The following SNX31 variants were observed in gnomAD, a reference collection of about 807,000 sequenced individuals.
The protein encoded by SNX31 is sorting nexin 31.
A neutral mutation model predicts 65.4 loss-of-function variants in SNX31; 58 were observed. The observed-to-expected ratio is 0.89, with a 90% CI of 0.72 to 1.10. SNX31 has a LOEUF of 1.10. Ranked by LOEUF, SNX31 falls within the 50% of genes least tolerant of loss-of-function variation. The pLI is 0.00. For missense variants in SNX31, 523 were observed against 529.7 expected, an observed-to-expected ratio of 0.99 and a Z score of 0.12; for synonymous variants, 181 against 190.1, an observed-to-expected ratio of 0.95 and a Z score of 0.39.
chr8:100,625,956 G>A lies in SNX31; in HGVS notation c.321+4371C>T, dbSNP rs1016451342. 5.3e-5 allele frequency among the ~76,000 whole-genome samples: 8 copies of A among 152,174 alleles called. No individual in the cohort carries two copies. The highest frequency in any genetic ancestry group is 2.0e-4 in the Admixed American group (3 of 15,274). ...AAAACCTATATCTTGGCCAGGCATG[G>A]TAGCTCACACCTATAATCCCAGCAG... On this transcript the variant is annotated intron_variant, in intron 4 of 13. Coordinates refer to ENST00000311812, the MANE Select transcript of SNX31 (RefSeq NM_152628.4). This position sits in a 1 kb window ranked among gnomAD's most constrained non-coding sequence, Gnocchi z 4.2.
chr8:100,628,231 C>T (rs990429795), intron 4 of SNX31, among the ~76,000 whole-genome samples: 5 of 152,132 alleles, frequency 3.3e-5, no homozygotes, highest in African/African-American at 1.2e-4. Context: ...CCAGCCATCC[C>T]ATTACTGGGT....
Position 100,656,084 on chromosome 8 carries a change from C to T in SNX31, c.-58+7058G>A, listed in dbSNP as rs568481653. Among the ~76,000 whole-genome samples, 4 of 152,298 alleles carry T rather than the reference C, an allele frequency of 2.6e-5. No homozygotes were observed. In the South Asian group the frequency reaches 6.2e-4, roughly 24 times the overall value. ...TGTATGGAGGGCTCTGAGATATCTG[C>T]AGCAAGGAAACCTGGGACTCTGTTT... On this transcript the variant is annotated intron_variant, in intron 1 of 5. Coordinates refer to the SNX31 transcript ENST00000520352.
At position 100,630,563 on chromosome 8, in the gene SNX31, AT is replaced by A; in HGVS notation, c.257-173del. Among the ~76,000 whole-genome samples the A allele has an allele frequency of 6.6e-6, 1 of 152,310 alleles. No homozygotes were observed. Among genetic ancestry groups the A allele is most frequent in the South Asian group, 2.1e-4 (1 of 4,826 alleles). On this transcript the variant is annotated intron_variant, in intron 3 of 13. Transcript: ENST00000311812. This position sits in a 1 kb window ranked among gnomAD's most constrained non-coding sequence, Gnocchi z 5.3. ...GGAAAACCCCCAAAGCTTGCCTCCT[AT>A]AGGCAGCCTTAACAACAGGAACCCA...
At chr8:100,662,542 CA>C (rs1809805139) in intron 1 of SNX31, among the ~76,000 whole-genome samples, 1 of 152,112 alleles carries the variant, frequency 6.6e-6, no homozygotes, top group Non-Finnish European at 1.5e-5. Flanking sequence ...TACTAAAATA[CA>C]AAAATTAGCC....
intron 1 of SNX31, 41 bp downstream of exon 1, chr8:100,649,408 G>T: frequency 3.1e-6 from 5 of 1,597,338 alleles, no homozygotes; most frequent in Non-Finnish European, 4.3e-6. Context: ...CATTGCCACC[G>T]GCCCCCTCCC....
intron 12 of SNX31, among the ~76,000 whole-genome samples, chr8:100,577,747 G>A (rs1018150514): frequency 2.0e-5 from 3 of 152,336 alleles, no homozygotes; most frequent in Admixed American, 2.0e-4. Context: ...TGGAACCAGA[G>A]AGTAGCTGTA....
chr8:100,650,800 G>C (rs1349738925), upstream of SNX31, among the ~76,000 whole-genome samples: 1 of 152,018 alleles, frequency 6.6e-6, no homozygotes, highest in African/African-American at 2.4e-5. Context: ...CCAGCTTAGT[G>C]GCTTCTAGTT....
At chr8:100,600,470 C>T in intron 8 of SNX31, 29 bp from the exon 9 acceptor site, 1 of 1,567,238 alleles carries the variant, frequency 6.4e-7, no homozygotes, top group South Asian at 1.2e-5. Context: ...GTAAAATTAG[C>T]AGTCTTAGCA....
chr8:100,582,743 C>T (rs141560932), intron 12 of SNX31, among the ~76,000 whole-genome samples: 3,477 of 151,818 alleles, frequency 0.023, 143 homozygotes, highest in African/African-American at 0.078. Context: ...TTTAGGAGGC[C>T]GAGGCGGGCG....
intron 12 of SNX31, among the ~76,000 whole-genome samples, chr8:100,582,030 A>C (rs908724687): frequency 6.6e-6 from 1 of 152,188 alleles, no homozygotes; most frequent in African/African-American, 2.4e-5. Context: ...GAGCCAAAAT[A>C]AGTAAAAAAA....
At chr8:100,586,007 G>A (rs1020989771) in intron 11 of SNX31, among the ~76,000 whole-genome samples, 13 of 151,964 alleles carry the variant, frequency 8.6e-5, no homozygotes, top group East Asian at 7.7e-4. Context: ...TACAACCTTC[G>A]CCTCCCAGAT....
chr8:100,616,022 C>T (rs561475302), intron 5 of SNX31, among the ~76,000 whole-genome samples: 1 of 152,306 alleles, frequency 6.6e-6, no homozygotes, highest in South Asian at 2.1e-4. Flanking sequence ...GATCCGCCCA[C>T]CTTGGCCTCC....
intron 11 of SNX31, among the ~76,000 whole-genome samples, chr8:100,586,649 A>G (rs1814077651): frequency 6.6e-6 from 1 of 152,230 alleles, no homozygotes. Flanking sequence ...AAGATGTTTC[A>G]TACTTAAGGT....
At chr8:100,592,223 A>T (rs369159388) in intron 10 of SNX31, among the ~76,000 whole-genome samples, 1 of 152,318 alleles carries the variant, frequency 6.6e-6, no homozygotes, top group East Asian at 1.9e-4. Flanking sequence ...AAGGAGAGAA[A>T]TGGAAAATAT....
intron 8 of SNX31, among the ~76,000 whole-genome samples, chr8:100,600,797 A>C (rs924083838): frequency 2.6e-5 from 4 of 152,210 alleles, no homozygotes; most frequent in African/African-American, 9.6e-5. Flanking sequence ...TTTAAGATAT[A>C]AAAACAAAAT....
upstream of SNX31, among the ~76,000 whole-genome samples, chr8:100,653,051 A>C (rs1820001641): frequency 6.6e-6 from 1 of 152,180 alleles, no homozygotes. Flanking sequence ...GGGCATGCAG[A>C]GTTAAGTCTT....
In SNX31 at chr8:100,583,987, T is replaced by A. The variant is rs368486950; in HGVS notation, c.1170+124A>T. On this transcript the variant is annotated intron_variant, in intron 12 of 13. Coordinates refer to ENST00000311812, the MANE Select transcript of SNX31 (RefSeq NM_152628.4). ...GGGAAGAGGAGCTCACTTCTGTGGTTTGGAGTCCTCCCTTTAGGACTAGAC... is the reference window on the plus strand; with the variant it reads ...GGGAAGAGGAGCTCACTTCTGTGGTATGGAGTCCTCCCTTTAGGACTAGAC... 5.2e-5 allele frequency: 39 copies of A among 742,884 alleles called. No individual in the cohort carries two copies. In the South Asian group the frequency reaches 6.6e-4, roughly 13 times the overall value. The allele number at this position is 742,884 out of a possible 1,614,324, so 46.0% of individuals were successfully genotyped here.
chr8:100,644,812 A>C (rs905160431), intron 2 of SNX31, among the ~76,000 whole-genome samples: 5 of 151,662 alleles, frequency 3.3e-5, no homozygotes, highest in African/African-American at 1.2e-4. Context: ...TTATAGGCAC[A>C]TGCCACCACA....
At chr8:100,580,796 A>G (rs1363356394) in intron 12 of SNX31, among the ~76,000 whole-genome samples, 1 of 152,194 alleles carries the variant, frequency 6.6e-6, no homozygotes, top group African/African-American at 2.4e-5. Flanking sequence ...ATTGTGTCTA[A>G]GACACTTGTT....
Sources: allele counts gnomAD v4.1 joint callset (sites outside exome capture counted in the v4.1 genomes callset), GRCh38; gene constraint gnomAD v4.1.1; non-coding constraint Gnocchi (gnomAD v3.1); transcripts MANE v1.5; gene names NCBI Gene and HGNC (gene_info 2026-07-23, HGNC 2026-07-21).